SPAG16: variants seen among roughly 807,000 people sequenced by gnomAD.
The protein encoded by SPAG16 is sperm-associated antigen 16 protein.
In SPAG16, 86 loss-of-function variants were observed where a neutral mutation model predicts 80.4. That is an observed-to-expected ratio of 1.07 (90% CI 0.90 to 1.28). The LOEUF (loss-of-function observed/expected upper bound fraction) is 1.28, where lower values mean the gene tolerates loss of function less well. Among genes scored for constraint, SPAG16 ranks in the 50% most tolerant of loss-of-function variants. SPAG16 has a pLI of 0.00. For missense variants in SPAG16, 870 were observed against 765.3 expected, an observed-to-expected ratio of 1.14 and a Z score of -1.61; for synonymous variants, 294 against 265.9, an observed-to-expected ratio of 1.11 and a Z score of -1.03.
intron 10 of SPAG16, among the ~76,000 whole-genome samples, chr2:213,667,738 C>T (rs185233623): frequency 1.1e-3 from 161 of 152,110 alleles, no homozygotes; most frequent in Middle Eastern, 3.4e-3. Flanking sequence ...CCAAATATAG[C>T]AATAACTAAA....
At chr2:213,643,284 C>G (rs1348926240) in intron 10 of SPAG16, among the ~76,000 whole-genome samples, 1 of 141,024 alleles carries the variant, frequency 7.1e-6, no homozygotes, top group Non-Finnish European at 1.5e-5. Context: ...TGTCATGGCA[C>G]TCCCTCCTGG....
intron 10 of SPAG16, among the ~76,000 whole-genome samples, chr2:213,534,469 C>T (rs2076173784): frequency 6.6e-6 from 1 of 151,904 alleles, no homozygotes; most frequent in Admixed American, 6.6e-5. Flanking sequence ...AAATAACAAA[C>T]TATTGGAAAT....
At chr2:213,318,938 G>C (rs1368636577) in intron 5 of SPAG16, among the ~76,000 whole-genome samples, 2 of 151,898 alleles carry the variant, frequency 1.3e-5, no homozygotes, top group Admixed American at 1.3e-4. Flanking sequence ...TCATAGAAGA[G>C]AAGCCAGATC....
At chr2:213,879,384 GGGGT>G (rs1335034077) in intron 11 of SPAG16, among the ~76,000 whole-genome samples, 1 of 146,896 alleles carries the variant, frequency 6.8e-6, no homozygotes, top group African/African-American at 2.5e-5. Flanking sequence ...TATATCCATG[GGGGT>G]GTGTGTGTGT....
Position 214,097,733 on chromosome 2 carries a change from C to T in SPAG16, c.1528-10463C>T, listed in dbSNP as rs372592514. On this transcript the variant is annotated intron_variant, in intron 13 of 15. Transcript: ENST00000331683. ...AAATGCTTCCCACGTGCTAATTCAT[C>T]GTTGTGGTTATAATTATGAAGTGAT... is the stretch of plus-strand genomic sequence containing the variant. Among the ~76,000 whole-genome samples, 5 of 151,822 alleles carry T rather than the reference C, an allele frequency of 3.3e-5. No homozygotes were observed. The South Asian group carries it at 6.2e-4, about 19-fold the overall frequency.
intron 13 of SPAG16, among the ~76,000 whole-genome samples, chr2:214,038,399 A>T (rs1478892326): frequency 6.6e-6 from 1 of 151,754 alleles, no homozygotes; most frequent in Non-Finnish European, 1.5e-5. Context: ...CAGAACATAT[A>T]ACACACACTA....
intron 9 of SPAG16, among the ~76,000 whole-genome samples, chr2:213,422,690 T>A (rs1322251344): frequency 5.7e-4 from 87 of 152,336 alleles, no homozygotes; most frequent in Non-Finnish European, 2.4e-4. Context: ...CACACAAGAA[T>A]GCAATTCTCT....
chr2:213,384,942 T>A (rs2067349482), intron 9 of SPAG16, among the ~76,000 whole-genome samples: 1 of 152,192 alleles, frequency 6.6e-6, no homozygotes, highest in African/African-American at 2.4e-5. Context: ...ATTGTGCCCA[T>A]CTTGCTTTTG....
At chr2:214,020,601 A>C (rs758420183) in intron 13 of SPAG16, among the ~76,000 whole-genome samples, 2 of 152,196 alleles carry the variant, frequency 1.3e-5, no homozygotes, top group African/African-American at 4.8e-5. Context: ...TGGATTTAGC[A>C]GCTATCAGAA....
chr2:213,756,689 T>C (rs1385489277), intron 10 of SPAG16, among the ~76,000 whole-genome samples: 1 of 152,222 alleles, frequency 6.6e-6, no homozygotes, highest in African/African-American at 2.4e-5. Context: ...ATGGCTAATG[T>C]ATACCAGGCC....
Position 214,126,031 on chromosome 2 carries a change from C to T in SPAG16, c.1593+17770C>T, listed in dbSNP as rs201371798. Among the ~76,000 whole-genome samples the T allele has an allele frequency of 4.7e-4, 15 of 31,820 alleles. 2 individuals carry two copies. The highest frequency in any genetic ancestry group is 3.5e-4 in the Non-Finnish European group (5 of 14,446). The allele number at this position is 31,820 out of a possible 152,430, so 20.9% of individuals were successfully genotyped here. On this transcript the variant is annotated intron_variant, in intron 14 of 15. Coordinates refer to ENST00000331683, the MANE Select transcript of SPAG16 (RefSeq NM_024532.5). ...CCTTCCTTCCTTCCTTCCTTCCTTC[C>T]TTCCTTCCTTCCTTCCTTCCTTCCT...
chr2:213,815,451 A>G (rs2072467595), intron 10 of SPAG16, among the ~76,000 whole-genome samples: 1 of 152,206 alleles, frequency 6.6e-6, no homozygotes. Flanking sequence ...TTTATAAAGT[A>G]TGAATTTTGT....
At chr2:213,869,274 T>C (rs1396789058) in intron 11 of SPAG16, among the ~76,000 whole-genome samples, 1 of 101,410 alleles carries the variant, frequency 9.9e-6, no homozygotes, top group African/African-American at 2.9e-5. Flanking sequence ...AATATATATA[T>C]ATATATGTAT....
At chr2:213,987,147 T>C (rs1348265811) in intron 12 of SPAG16, among the ~76,000 whole-genome samples, 1 of 152,068 alleles carries the variant, frequency 6.6e-6, no homozygotes, top group East Asian at 1.9e-4. Context: ...CACATACTCA[T>C]CAGCTATTTA....
rs1244040049 is a variant in SPAG16, at chr2:213,488,181, ACT to A, written c.943-1780_943-1779del. 3.3e-5 allele frequency among the ~76,000 whole-genome samples: 5 copies of A among 152,234 alleles called. No homozygotes were observed. In the East Asian group the frequency reaches 9.6e-4, roughly 29 times the overall value. ...AACTGGTGCCTGTCATAAAATTGAC[ACT>A]CAATAATAAATATTATTCAAAGGAA... On this transcript the variant is annotated intron_variant, in intron 9 of 15. Coordinates refer to ENST00000331683, the MANE Select transcript of SPAG16 (RefSeq NM_024532.5).
At chr2:213,617,975 C>T (rs1476619218) in intron 10 of SPAG16, among the ~76,000 whole-genome samples, 2 of 152,166 alleles carry the variant, frequency 1.3e-5, no homozygotes, top group Admixed American at 1.3e-4. Context: ...TTTTCCCCTA[C>T]ACTCACCTCA....
chr2:214,261,469 G>T (rs1691170734), intron 15 of SPAG16, among the ~76,000 whole-genome samples: 1 of 152,098 alleles, frequency 6.6e-6, no homozygotes, highest in African/African-American at 2.4e-5. Context: ...AAACCCAAAA[G>T]CTTTGCTTTC....
intron 10 of SPAG16, among the ~76,000 whole-genome samples, chr2:213,534,144 T>A (rs1485496055): frequency 6.6e-6 from 1 of 152,172 alleles, no homozygotes; most frequent in Non-Finnish European, 1.5e-5. Flanking sequence ...AAAAATAATA[T>A]CCATTTGTGT....
At chr2:213,796,665 T>C (rs2071051573) in intron 10 of SPAG16, among the ~76,000 whole-genome samples, 1 of 152,168 alleles carries the variant, frequency 6.6e-6, no homozygotes, top group Admixed American at 6.5e-5. Context: ...TATGTGTTAG[T>C]GGTGATGCTG....
Sources: gnomAD v4.1 joint callset for allele counts (sites outside exome capture counted in the v4.1 genomes callset) on GRCh38, gnomAD v4.1.1 for gene constraint, MANE v1.5 for transcripts, NCBI Gene and HGNC (gene_info 2026-07-23, HGNC 2026-07-21) for gene names.